The following CDH4 variants were observed in gnomAD, a reference collection of about 807,000 sequenced individuals.
CDH4 encodes the protein cadherin-4.
CDH4 carries 33 observed loss-of-function variants against 86.0 expected under a neutral mutation model. The ratio of observed to expected loss-of-function variants is 0.38; its 90% confidence interval spans 0.29 to 0.51. The LOEUF is 0.51. Ranked by LOEUF, CDH4 falls within the 20% of genes least tolerant of loss-of-function variation. CDH4 has a pLI of 0.86. For missense variants in CDH4, 1,114 were observed against 1,307.4 expected (o/e 0.85, Z 2.28); for synonymous variants, 555 against 549.4 (o/e 1.01, Z -0.14).
intron 2 of CDH4, among the ~76,000 whole-genome samples, chr20:61,673,939 G>C (rs895220290): frequency 1.3e-5 from 2 of 152,144 alleles, no homozygotes; most frequent in Non-Finnish European, 1.5e-5. Context: ...CTCCAAATTG[G>C]CACCCATTGA....
At chr20:61,603,204 T>G (rs2086616497) in intron 2 of CDH4, among the ~76,000 whole-genome samples, 1 of 151,584 alleles carries the variant, frequency 6.6e-6, no homozygotes. Context: ...TGACACGGAG[T>G]CCGTGTCACA....
chr20:61,331,090 C>T (rs934501506), intron 2 of CDH4, among the ~76,000 whole-genome samples: 1 of 152,100 alleles, frequency 6.6e-6, no homozygotes, highest in African/African-American at 2.4e-5. Context: ...TCCACAGCCA[C>T]CCCACGTGTG....
At chr20:61,715,837 C>T (rs2087946775) in intron 2 of CDH4, among the ~76,000 whole-genome samples, 1 of 152,182 alleles carries the variant, frequency 6.6e-6, no homozygotes, top group Non-Finnish European at 1.5e-5. Context: ...TGCACTGGGC[C>T]AGGCCTGAGG....
intron 2 of CDH4, among the ~76,000 whole-genome samples, chr20:61,723,520 G>A (rs2088067571): frequency 1.3e-5 from 2 of 152,162 alleles, no homozygotes; most frequent in Admixed American, 6.5e-5. Flanking sequence ...GGGCATGATG[G>A]GCACCTGAGA....
chr20:61,369,191 G>A (rs551311358), intron 2 of CDH4, among the ~76,000 whole-genome samples: 8 of 152,112 alleles, frequency 5.3e-5, no homozygotes, highest in Admixed American at 3.9e-4. Context: ...AGTGGTGCAC[G>A]CCTGTAATCC....
intron 2 of CDH4, among the ~76,000 whole-genome samples, chr20:61,631,119 T>C (rs1362501622): frequency 6.6e-6 from 1 of 152,200 alleles, no homozygotes. Context: ...TAAGCACCGC[T>C]GTGTCCAAGG....
At chr20:61,893,146 G>A (rs1487171041) in intron 7 of CDH4, among the ~76,000 whole-genome samples, 3 of 146,456 alleles carry the variant, frequency 2.0e-5, no homozygotes, top group Non-Finnish European at 3.0e-5. Context: ...ATAGATGGAC[G>A]AGTGGGTGAA....
intron 2 of CDH4, among the ~76,000 whole-genome samples, chr20:61,396,677 G>A (rs6142817): frequency 0.23 from 34,681 of 151,990 alleles, 4,022 homozygotes; most frequent in East Asian, 0.39. Flanking sequence ...TGTCTCCAGC[G>A]TCTCCACGTT....
In CDH4 at chr20:61,793,624, G is replaced by A. The variant is rs1006607401; in HGVS notation, c.576+20442G>A. ...TGGGAGGCCGAGGCAGGTGGATCAC[G>A]AGGTCAGGAGTTCAAGACCAGCCTG... On this transcript the variant is annotated intron_variant, in intron 4 of 15. Coordinates refer to ENST00000614565, the MANE Select transcript of CDH4 (RefSeq NM_001794.5). 2.1e-4 allele frequency among the ~76,000 whole-genome samples: 32 copies of A among 151,850 alleles called. No individual in the cohort carries two copies. The South Asian group carries it at 5.4e-3, about 26-fold the overall frequency.
At chr20:61,838,525 C>T (rs1600700623) in intron 4 of CDH4, among the ~76,000 whole-genome samples, 1 of 152,164 alleles carries the variant, frequency 6.6e-6, no homozygotes, top group East Asian at 1.9e-4. Flanking sequence ...AAAATTGCCT[C>T]TCTCGGCCAG....
At position 61,575,865 on chromosome 20, in the gene CDH4, C is replaced by T. The variant is rs1025772692; in HGVS notation, c.170-167698C>T. Reference sequence around the variant, plus strand: ...AGCTTCCCTGGGGACATGTGAGCCACCCAAGTCTCAGGAATAAATAGGATT... The same window carrying T: ...AGCTTCCCTGGGGACATGTGAGCCATCCAAGTCTCAGGAATAAATAGGATT... On this transcript the variant is annotated intron_variant, in intron 2 of 15. Coordinates refer to ENST00000614565, the MANE Select transcript of CDH4 (RefSeq NM_001794.5). Among the ~76,000 whole-genome samples, 54 of 152,164 alleles carry T rather than the reference C, an allele frequency of 3.5e-4. 2 individuals are homozygous for T. The highest frequency in any genetic ancestry group is 2.9e-5 in the Non-Finnish European group (2 of 68,034).
intron 2 of CDH4, among the ~76,000 whole-genome samples, chr20:61,731,221 G>T (rs1167929727): frequency 6.6e-6 from 1 of 152,094 alleles, no homozygotes; most frequent in Non-Finnish European, 1.5e-5. Flanking sequence ...GCCGCTTGTG[G>T]TGTGTCCCAT....
chr20:61,827,891 A>AT (rs1437712275), intron 4 of CDH4, among the ~76,000 whole-genome samples: 2 of 152,236 alleles, frequency 1.3e-5, no homozygotes, highest in Admixed American at 6.5e-5. Context: ...ACAGATGGAA[A>AT]TAGATCTAGT....
intron 2 of CDH4, among the ~76,000 whole-genome samples, chr20:61,281,116 G>A (rs984676259): frequency 2.0e-5 from 3 of 152,178 alleles, no homozygotes; most frequent in East Asian, 1.9e-4. Context: ...CTGGAATTCG[G>A]GACAGCCCAG....
chr20:61,745,030 T>C (rs1022303775), intron 3 of CDH4, among the ~76,000 whole-genome samples: 1 of 152,192 alleles, frequency 6.6e-6, no homozygotes, highest in Non-Finnish European at 1.5e-5. Context: ...GGAAAGAATG[T>C]GTGCCAACCC....
At chr20:61,919,779 G>A (rs373417882) in intron 9 of CDH4, among the ~76,000 whole-genome samples, 2 of 151,430 alleles carry the variant, frequency 1.3e-5, no homozygotes, top group Non-Finnish European at 2.9e-5. Context: ...TGGTGTCGCG[G>A]TGATTGCATG....
At chr20:61,387,586 G>A (rs1239363433) in intron 2 of CDH4, among the ~76,000 whole-genome samples, 1 of 151,336 alleles carries the variant, frequency 6.6e-6, no homozygotes, top group Non-Finnish European at 1.5e-5. Context: ...ATAGACACAC[G>A]CACATTTGGC....
At chr20:61,303,287 A>T (rs1249637213) in intron 2 of CDH4, among the ~76,000 whole-genome samples, 2 of 152,122 alleles carry the variant, frequency 1.3e-5, no homozygotes, top group Non-Finnish European at 2.9e-5. Context: ...AAGGAGGGCG[A>T]TATTAGCCAT....
chr20:61,326,220 T>C (rs912509850), intron 2 of CDH4, among the ~76,000 whole-genome samples: 8 of 152,228 alleles, frequency 5.3e-5, no homozygotes, highest in African/African-American at 1.4e-4. Context: ...TGCCTTGTTT[T>C]AGGAAGGGCT....
Sources: gnomAD v4.1 joint callset for allele counts (sites outside exome capture counted in the v4.1 genomes callset) on GRCh38, gnomAD v4.1.1 for gene constraint, MANE v1.5 for transcripts, NCBI Gene and HGNC (gene_info 2026-07-23, HGNC 2026-07-21) for gene names.